The following ATAD3B variants were observed in gnomAD, a reference collection of about 807,000 sequenced individuals.
ATAD3B encodes ATPase family AAA domain-containing protein 3B.
In ATAD3B, 59 loss-of-function variants were observed where a neutral mutation model predicts 70.2. The observed-to-expected ratio is 0.84, with a 90% CI of 0.68 to 1.04. ATAD3B has a LOEUF of 1.04. Among genes scored for constraint, ATAD3B ranks in the 50% least tolerant of loss-of-function variants. ATAD3B has a pLI of 0.00. For missense variants in ATAD3B, 961 were observed against 913.4 expected (o/e 1.05, Z -0.67); for synonymous variants, 423 against 388.6 (o/e 1.09, Z -1.04).
In ATAD3B at chr1:1,479,592, A is replaced by G. The variant is rs1267903932; in HGVS notation, c.444+484A>G. On this transcript the variant is annotated intron_variant, in intron 4 of 15. Coordinates refer to ENST00000673477, the MANE Select transcript of ATAD3B (RefSeq NM_031921.6). The stretch of plus-strand genomic sequence containing the variant: ...AACACAGGCACACATACCCCTGCAC[A>G]CAGGCCTGCACATACACCCCCACAC... 2.1e-5 allele frequency among the ~76,000 whole-genome samples: 3 copies of G among 144,392 alleles called. 1 individual carries two copies. The highest frequency in any genetic ancestry group is 7.8e-5 in the African/African-American group (3 of 38,346). 94.7% of individuals were successfully genotyped at this position (144,392 alleles called of 152,430 possible).
At chr1:1,485,994 C>T (rs1017942163) in intron 9 of ATAD3B, 116 bp from the exon 10 acceptor site, 15 of 1,588,000 alleles carry the variant, frequency 9.4e-6, no homozygotes, top group African/African-American at 5.4e-5. Context: ...AGGCTGCCCA[C>T]GAGCTGGGCG....
intron 1 of ATAD3B, among the ~76,000 whole-genome samples, chr1:1,472,397 G>T (rs1639378065): frequency 6.6e-6 from 1 of 151,984 alleles, no homozygotes; most frequent in Non-Finnish European, 1.5e-5. Context: ...CGAGCGTGCG[G>T]GATCCTTCTG....
At chr1:1,477,223 T>C in intron 1 of ATAD3B, 51 bp from the exon 2 acceptor site, 1 of 1,604,154 alleles carries the variant, frequency 6.2e-7, no homozygotes, top group Non-Finnish European at 8.5e-7. Context: ...TTGGCCAGGC[T>C]TTGGTATCCG....
chr1:1,500,797 C>CA (rs564482376), downstream of ATAD3B, among the ~76,000 whole-genome samples: 89 of 144,398 alleles, frequency 6.2e-4, no homozygotes, highest in East Asian at 5.5e-3. Context: ...ACTAAAAATA[C>CA]AAAAAAAAAA....
chr1:1,499,168 T>G (rs1481237786), downstream of ATAD3B, among the ~76,000 whole-genome samples: 2 of 151,180 alleles, frequency 1.3e-5, no homozygotes, highest in Non-Finnish European at 2.9e-5. Flanking sequence ...AGACAGGGTT[T>G]CACCGTGTTA....
At chr1:1,490,090 C>T (rs1458021438) in intron 13 of ATAD3B, 167 bp from the exon 14 acceptor site, 20 of 1,422,226 alleles carry the variant, frequency 1.4e-5, no homozygotes, top group Non-Finnish European at 1.7e-5. Flanking sequence ...GGCAGGCAGG[C>T]GGGTGACCAG....
In ATAD3B at chr1:1,487,862, G is replaced by A. The variant is rs756532841; in HGVS notation, c.1215-1G>A. ...TTGCTTGGCCTCTCTCTCGTTCACA[G>A]CCTCCTGCTCTTCATGGATGAAGCA... On this transcript the variant is annotated splice_acceptor_variant, in intron 11 of 15. Coordinates refer to ENST00000673477, the MANE Select transcript of ATAD3B (RefSeq NM_031921.6). LOFTEE classifies it high-confidence loss of function. The A allele has an allele frequency of 6.2e-7, 1 of 1,612,960 alleles. No individual in the cohort carries two copies. Among genetic ancestry groups the A allele is most frequent in the African/African-American group, 1.3e-5 (1 of 74,912 alleles).
At chr1:1,500,826 A>C (rs1294260068), downstream of ATAD3B, among the ~76,000 whole-genome samples, 1 of 148,768 alleles carries the variant, frequency 6.7e-6, no homozygotes, top group Non-Finnish European at 1.5e-5. Flanking sequence ...GCGTGGTAGC[A>C]GGTGCCTGTA....
In ATAD3B at chr1:1,496,243, A is replaced by G; in HGVS notation, c.*426A>G. 1 of 997,476 alleles carries G rather than the reference A, an allele frequency of 1.0e-6. No individual in the cohort carries two copies. The highest frequency in any genetic ancestry group is 1.2e-6 in the Non-Finnish European group (1 of 837,940). The allele number at this position is 997,476 out of a possible 1,614,324, so 61.8% of individuals were successfully genotyped here. On this transcript the variant is annotated 3_prime_UTR_variant, in exon 16 of 16. Transcript: ENST00000673477. ...ATTGACTGACACTGCTCGGGGTTTC[A>G]GGGGCGCCCTAGCGTCCTCCTGGGG...
At chr1:1,502,551 G>T (rs1209640833), downstream of ATAD3B, among the ~76,000 whole-genome samples, 1 of 117,008 alleles carries the variant, frequency 8.5e-6, no homozygotes, top group African/African-American at 3.5e-5. Flanking sequence ...ATGCTCTGTC[G>T]CTGAGGCTGG....
chr1:1,498,592 C>T (rs1160555985), downstream of ATAD3B, among the ~76,000 whole-genome samples: 3 of 151,882 alleles, frequency 2.0e-5, no homozygotes, highest in South Asian at 2.1e-4. Flanking sequence ...TTTTTTGGTA[C>T]AGACGGGGTC....
rs1383191923 is a variant in ATAD3B at position 1,495,821 on chromosome 1, C to A, written c.*4C>A. On this transcript the variant is annotated 3_prime_UTR_variant, in exon 16 of 16. Coordinates refer to ENST00000673477, the MANE Select transcript of ATAD3B (RefSeq NM_031921.6). ...CCCAGGGCACCCCCTGTTGTAGGCA[C>A]TGGCTAGGGAGGGGCAGGCCTCCTT... 5.1e-6 allele frequency: 8 copies of A among 1,561,498 alleles called. No homozygotes were observed. Among genetic ancestry groups the A allele is most frequent in the Non-Finnish European group, 6.9e-6 (8 of 1,155,110 alleles).
downstream of ATAD3B, among the ~76,000 whole-genome samples, chr1:1,501,709 T>G (rs1464986219): frequency 6.6e-6 from 1 of 152,004 alleles, no homozygotes; most frequent in East Asian, 1.9e-4. Context: ...CACAAGAGTT[T>G]TTCCTGTTAG....
At chr1:1,500,081 A>G (rs1369948440), downstream of ATAD3B, among the ~76,000 whole-genome samples, 2 of 150,270 alleles carry the variant, frequency 1.3e-5, no homozygotes, top group African/African-American at 4.9e-5. Flanking sequence ...GTATTTTAGT[A>G]GAGACGGGGT....
chr1:1,480,737 C>G lies in ATAD3B; in HGVS notation c.445-130C>G. The G allele has an allele frequency of 5.4e-6, 8 of 1,491,492 alleles. 1 individual carries two copies. Among genetic ancestry groups the G allele is most frequent in the Non-Finnish European group, 7.2e-6 (8 of 1,115,714 alleles). 92.4% of individuals were successfully genotyped at this position (1,491,492 alleles called of 1,614,324 possible). ...CACCCGTGTCTGTGTCAGGGTGCGG[C>G]GTCTGCAGGTCCCCAGGTGCCCAGG... is the stretch of plus-strand genomic sequence containing the variant. On this transcript the variant is annotated intron_variant, in intron 4 of 15. Coordinates refer to ENST00000673477, the MANE Select transcript of ATAD3B (RefSeq NM_031921.6).
chr1:1,478,279 G>A, intron 2 of ATAD3B: 1 of 812,760 alleles, frequency 1.2e-6, no homozygotes, highest in South Asian at 1.9e-5. Context: ...TTATAGGCAA[G>A]AGCGATGGCG....
the ATAD3B span, chr1:1,503,682 T>G: frequency 1.2e-5 from 20 of 1,610,146 alleles, no homozygotes; most frequent in Non-Finnish European, 1.6e-5. Flanking sequence ...CCGGTGTGGG[T>G]GGGGAGGCCG....
downstream of ATAD3B, among the ~76,000 whole-genome samples, chr1:1,499,430 TTA>T (rs1640894226): frequency 6.7e-6 from 1 of 150,202 alleles, no homozygotes; most frequent in East Asian, 2.0e-4. Flanking sequence ...AGAGAGGGGG[TTA>T]TACCATGTTA....
downstream of ATAD3B, among the ~76,000 whole-genome samples, chr1:1,500,303 A>C (rs1460868652): frequency 2.7e-5 from 4 of 150,736 alleles, no homozygotes; most frequent in Non-Finnish European, 4.4e-5. Flanking sequence ...CTGTAATCCC[A>C]GCACTTTGGG....
Sources: allele counts gnomAD v4.1 joint callset (sites outside exome capture counted in the v4.1 genomes callset), GRCh38; gene constraint gnomAD v4.1.1; transcripts MANE v1.5; gene names NCBI Gene and HGNC (gene_info 2026-07-23, HGNC 2026-07-21).